Variants in DGKB observed in about 807,000 individuals in gnomAD.
The protein encoded by DGKB is 90 kDa diacylglycerol kinase.
DGKB carries 67 observed loss-of-function variants against 114.3 expected under a neutral mutation model. That is an observed-to-expected ratio of 0.59 (90% CI 0.48 to 0.72). The LOEUF is 0.72. DGKB is among the 30% of genes least tolerant of loss of function. The probability of loss-of-function intolerance (pLI) is 0.00; values close to 1 mark genes in which losing one functional copy is unlikely to be tolerated. For synonymous variants in DGKB, 398 were observed against 323.1 expected (o/e 1.23, Z -2.49); for missense variants, 907 against 975.2 (o/e 0.93, Z 0.93).
rs997164338 is a variant in DGKB at position 14,568,743 on chromosome 7, T to C, written c.1770+5469A>G. Among the ~76,000 whole-genome samples, 4 of 152,214 alleles carry C rather than the reference T, an allele frequency of 2.6e-5. No individual in the cohort carries two copies. In the East Asian group the frequency reaches 7.7e-4, roughly 29 times the overall value. ...TATAACAATGAATATGAAGGTGATA[T>C]AGCTACATATTTCTGACCTCGGGCT... On this transcript the variant is annotated intron_variant, in intron 20 of 25. Transcript: ENST00000402815.
intron 9 of DGKB, 72 bp downstream of exon 9, chr7:14,694,003 T>C: frequency 6.6e-7 from 1 of 1,507,266 alleles, no homozygotes; most frequent in Middle Eastern, 1.8e-4. Context: ...CACATCAATC[T>C]GTAATCAAAA....
chr7:14,963,252 T>G (rs886467713), intron 1 of DGKB, among the ~76,000 whole-genome samples: 1 of 152,130 alleles, frequency 6.6e-6, no homozygotes, highest in African/African-American at 2.4e-5. Context: ...AACTAAATAG[T>G]TGCTCTGGAA....
intron 20 of DGKB, among the ~76,000 whole-genome samples, chr7:14,527,260 T>C (rs769778208): frequency 4.6e-5 from 7 of 152,246 alleles, no homozygotes; most frequent in East Asian, 1.9e-4. Flanking sequence ...TAATCTTTTA[T>C]TGGAAACAGT....
intron 23 of DGKB, among the ~76,000 whole-genome samples, chr7:14,245,899 G>T (rs536262697): frequency 1.3e-5 from 2 of 152,270 alleles, no homozygotes; most frequent in Non-Finnish European, 2.9e-5. Flanking sequence ...CTACACGCCA[G>T]CCTGGGCAAA....
intron 23 of DGKB, among the ~76,000 whole-genome samples, chr7:14,179,077 T>C (rs1479816614): frequency 1.3e-5 from 2 of 152,170 alleles, no homozygotes; most frequent in Admixed American, 1.3e-4. Flanking sequence ...ATTTGATAAA[T>C]CAATCATATG....
chr7:14,415,725 A>T (rs1825625298), intron 21 of DGKB, among the ~76,000 whole-genome samples: 1 of 152,152 alleles, frequency 6.6e-6, no homozygotes, highest in Non-Finnish European at 1.5e-5. Flanking sequence ...GTGCTGCAAT[A>T]AACCTACATG....
intron 2 of DGKB, among the ~76,000 whole-genome samples, chr7:14,822,805 T>C (rs1395107196): frequency 6.6e-6 from 1 of 152,158 alleles, no homozygotes; most frequent in Non-Finnish European, 1.5e-5. Context: ...TGTTAGTTTC[T>C]TCCACAATTG....
intron 23 of DGKB, among the ~76,000 whole-genome samples, chr7:14,228,475 C>T (rs1469965051): frequency 6.6e-6 from 1 of 151,932 alleles, no homozygotes; most frequent in Non-Finnish European, 1.5e-5. Context: ...CTTGAAGAGA[C>T]ACTAAATTTA....
chr7:14,790,353 A>G (rs10244060), intron 2 of DGKB, among the ~76,000 whole-genome samples: 55,600 of 151,964 alleles, frequency 0.37, 11,720 homozygotes, highest in African/African-American at 0.59. Flanking sequence ...CAAGTCTAAG[A>G]AATGTTTGCC....
chr7:14,866,501 A>G (rs1320919383), intron 1 of DGKB, among the ~76,000 whole-genome samples: 1 of 152,188 alleles, frequency 6.6e-6, no homozygotes, highest in Admixed American at 6.5e-5. Flanking sequence ...ATCATATAGT[A>G]TATAGCTGTT....
In DGKB at chr7:14,298,275, T is replaced by C. The variant is rs554960388; in HGVS notation, c.2122+40240A>G. On this transcript the variant is annotated intron_variant, in intron 23 of 25. Coordinates refer to ENST00000402815, the MANE Select transcript of DGKB (RefSeq NM_001350709.2). The stretch of plus-strand genomic sequence containing the variant: ...CAGTCCTTAGCAAAAAGAACAAAGC[T>C]GGAGGCATCACGCTACCTGACTTCA... 3.9e-5 allele frequency among the ~76,000 whole-genome samples: 6 copies of C among 152,234 alleles called. No homozygotes were observed. The South Asian group carries it at 1.2e-3, about 32-fold the overall frequency.
intron 1 of DGKB, among the ~76,000 whole-genome samples, chr7:14,863,093 ATAT>A (rs988640571): frequency 4.7e-5 from 7 of 149,518 alleles, no homozygotes; most frequent in East Asian, 3.9e-4. Flanking sequence ...ATTTTTAATA[ATAT>A]TATTTTTAAT....
intron 17 of DGKB, among the ~76,000 whole-genome samples, chr7:14,584,032 T>C (rs995130923): frequency 3.3e-5 from 5 of 152,204 alleles, no homozygotes; most frequent in African/African-American, 1.2e-4. Flanking sequence ...CATAAATCTT[T>C]ATTACACACA....
chr7:14,569,302 C>G (rs928489220), intron 20 of DGKB, among the ~76,000 whole-genome samples: 3 of 152,034 alleles, frequency 2.0e-5, no homozygotes, highest in Non-Finnish European at 4.4e-5. Context: ...GAAACAAGAC[C>G]CTTTAAAAGA....
chr7:14,678,727 T>C (rs1224363967), intron 12 of DGKB, among the ~76,000 whole-genome samples: 2 of 151,974 alleles, frequency 1.3e-5, no homozygotes, highest in Non-Finnish European at 2.9e-5. Context: ...GCAGCCTGCA[T>C]TATAGGAAAA....
At chr7:14,569,039 G>A (rs1797997533) in intron 20 of DGKB, among the ~76,000 whole-genome samples, 1 of 152,126 alleles carries the variant, frequency 6.6e-6, no homozygotes, top group Admixed American at 6.5e-5. Flanking sequence ...ATATATTCAG[G>A]AATGATTTGA....
chr7:14,674,321 G>C (rs1234624334), intron 12 of DGKB, among the ~76,000 whole-genome samples: 1 of 152,150 alleles, frequency 6.6e-6, no homozygotes, highest in Non-Finnish European at 1.5e-5. Context: ...GGCAAGAAGT[G>C]TTGAAGATAG....
At position 14,666,520 on chromosome 7, in the gene DGKB, G is replaced by A. The variant is rs535893670; in HGVS notation, c.1134+6409C>T. On this transcript the variant is annotated intron_variant, in intron 13 of 25. Coordinates refer to ENST00000402815, the MANE Select transcript of DGKB (RefSeq NM_001350709.2). ...GATTTCAGTGTGTTATCTGCAGCAAGAACCAAGAATGCATTTTTTAATAGA... is the reference window on the plus strand; with the variant it reads ...GATTTCAGTGTGTTATCTGCAGCAAAAACCAAGAATGCATTTTTTAATAGA... Among the ~76,000 whole-genome samples the A allele has an allele frequency of 1.3e-3, 203 of 152,060 alleles. 1 individual carries two copies. The highest frequency in any genetic ancestry group is 2.1e-3 in the Non-Finnish European group (146 of 67,932).
intron 14 of DGKB, among the ~76,000 whole-genome samples, chr7:14,626,310 C>T (rs1345608587): frequency 6.6e-6 from 1 of 152,220 alleles, no homozygotes; most frequent in Admixed American, 6.5e-5. Flanking sequence ...AGCAGCAAAG[C>T]ACCTCCACTG....
Sources: gnomAD v4.1 joint callset for allele counts (sites outside exome capture counted in the v4.1 genomes callset) on GRCh38, gnomAD v4.1.1 for gene constraint, MANE v1.5 for transcripts, NCBI Gene and HGNC (gene_info 2026-07-23, HGNC 2026-07-21) for gene names.